Variants in SRCAP observed in about 807,000 individuals in gnomAD.
SRCAP encodes the protein chromatin remodeling protein SRCAP.
Under a neutral mutation model 263.1 loss-of-function variants are expected in SRCAP, and 46 were observed. The ratio of observed to expected loss-of-function variants is 0.17; its 90% CI spans 0.14 to 0.22. The LOEUF (loss-of-function observed/expected upper bound fraction) is 0.22. Among genes scored for constraint, SRCAP ranks in the 10% least tolerant of loss-of-function variants. SRCAP has a pLI of 1.00. For missense variants in SRCAP, 3,695 were observed against 4,181.9 expected, an observed-to-expected ratio of 0.88 and a Z score of 3.21; for synonymous variants, 1,813 against 1,662.1, an observed-to-expected ratio of 1.09 and a Z score of -2.21.
At chr16:30,726,988 C>A (rs563564751) in intron 25 of SRCAP, among the ~76,000 whole-genome samples, 1 of 152,302 alleles carries the variant, frequency 6.6e-6, no homozygotes, top group South Asian at 2.1e-4. Context: ...AGACATGAGC[C>A]ACTGCACCTG....
At chr16:30,727,918 T>G (rs2053078352) in intron 25 of SRCAP, among the ~76,000 whole-genome samples, 1 of 151,928 alleles carries the variant, frequency 6.6e-6, no homozygotes, top group African/African-American at 2.4e-5. Context: ...AATAGGAGGC[T>G]CAAACCATCC....
chr16:30,730,715 C>G (rs1390096017), intron 27 of SRCAP, among the ~76,000 whole-genome samples: 1 of 150,926 alleles, frequency 6.6e-6, no homozygotes, highest in East Asian at 1.9e-4. Context: ...CAGGTGTGAA[C>G]CACTGCGCCC....
chr16:30,737,206 A>G lies in SRCAP; in HGVS notation c.7166A>G (p.Glu2389Gly). Reference protein sequence around the residue: ...HRRSKKAKAPERPGTRVSERL... With the variant: ...HRRSKKAKAPGRPGTRVSERL... ...CGCAGTAAAAAGGCCAAAGCCCCTGAGAGGCCGGGGACTCGTGTCAGTGAG... is the reference window on the plus strand; with the variant it reads ...CGCAGTAAAAAGGCCAAAGCCCCTGGGAGGCCGGGGACTCGTGTCAGTGAG... Residue 2389 changes from glutamate to glycine, a missense_variant, in exon 34 of 34, where the codon GAG (glutamate) becomes GGG (glycine). Coordinates refer to ENST00000262518, the MANE Select transcript of SRCAP (RefSeq NM_006662.3). 6.2e-7 allele frequency: 1 copy of G among 1,614,098 alleles called. No individual in the cohort carries two copies. Among genetic ancestry groups the G allele is most frequent in the Non-Finnish European group, 8.5e-7 (1 of 1,180,012 alleles).
In SRCAP at chr16:30,723,175, A is replaced by G. The variant is rs751529827; in HGVS notation, c.4105A>G (p.Thr1369Ala). The G allele has an allele frequency of 1.0e-4, 169 of 1,613,168 alleles. 1 individual carries two copies. Among genetic ancestry groups the G allele is most frequent in the Middle Eastern group, 8.2e-4 (5 of 6,084 alleles). Residue 1369 changes from threonine (T) to alanine (A), a missense_variant, in exon 24 of 34, where the codon ACT becomes GCT. Coordinates refer to ENST00000262518, the MANE Select transcript of SRCAP (RefSeq NM_006662.3). ...TGCTCGAGCCCCCATGCCCACACCC[A>G]CTCTGGTGAGGCCTCTTCTCAAGCT... ...GTARAPMPTP[T>A]LVRPLLKLVH...
chr16:30,711,591 C>A lies in SRCAP; in HGVS notation c.1339C>A (p.Leu447Ile). 6.3e-7 allele frequency: 1 copy of A among 1,595,192 alleles called. No homozygotes were observed. The highest frequency in any genetic ancestry group is 1.9e-5 in the Admixed American group (1 of 53,744). Reference sequence around the variant, plus strand: ...TCCAGGTGAGCTTTCCATGGAGGAGCTATTGCAGCAGTATGCAGGAGCCTA... The same window carrying A: ...TCCAGGTGAGCTTTCCATGGAGGAGATATTGCAGCAGTATGCAGGAGCCTA... ...AREGELSMEE[L>I]LQQYAGAYAP... Residue 447 changes from leucine to isoleucine, a missense_variant, in exon 11 of 34, where the codon CTA (leucine) becomes ATA (isoleucine). Around this residue, in one of 12 missense-constraint regions of SRCAP, gnomAD observed 288 missense variants for 302.4 expected, o/e 0.95. Coordinates refer to ENST00000262518, the MANE Select transcript of SRCAP (RefSeq NM_006662.3).
chr16:30,725,927 A>G (rs1354445041), intron 25 of SRCAP: 3 of 152,032 alleles, frequency 2.0e-5, no homozygotes, highest in Non-Finnish European at 4.4e-5. Flanking sequence ...GCCTGGCCCT[A>G]AACTGTACAA....
chr16:30,724,174 G>A lies in SRCAP; in HGVS notation c.4750G>A (p.Ala1584Thr). ...AGCATCTTCTGCATCTCAGGCTCTA[G>A]CCACCCCTCTGGCTCCTATGGCGGC... The part of the protein sequence containing the change: ...APASSASQAL[A>T]TPLAPMAAPQ... The change falls in exon 25 of 34, where the codon GCC becomes ACC. Residue 1584 changes from alanine to threonine, a missense_variant. By Grantham distance (58) the Ala-to-Thr change is moderately conservative. Transcript: ENST00000262518. 2 of 1,614,070 alleles carry A rather than the reference G, an allele frequency of 1.2e-6. No homozygotes were observed. Among genetic ancestry groups the A allele is most frequent in the Non-Finnish European group, 1.7e-6 (2 of 1,180,014 alleles).
In SRCAP at chr16:30,723,862, T is replaced by C. The variant is rs1417781183; in HGVS notation, c.4438T>C (p.Leu1480=). 1.2e-6 allele frequency: 2 copies of C among 1,614,014 alleles called. No individual in the cohort carries two copies. Among genetic ancestry groups the C allele is most frequent in the African/African-American group, 1.3e-5 (1 of 74,888 alleles). Residue 1480 remains leucine, a synonymous_variant, in exon 25 of 34, where the codon TTG becomes CTG. Transcript: ENST00000262518. ...PALLTSVTPP[L]APVVPAAPGP... is the part of the protein sequence containing the mutation. ...TCTGTTGACCAGTGTGACTCCACCA[T>C]TGGCACCTGTTGTCCCAGCGGCTCC...
At chr16:30,701,444 G>C (rs1290458511) in intron 3 of SRCAP, 1 of 152,166 alleles carries the variant, frequency 6.6e-6, no homozygotes, top group African/African-American at 2.4e-5. Flanking sequence ...AGTACAGTAA[G>C]CTTTTCATGT....
chr16:30,736,251 A>G lies in SRCAP; in HGVS notation c.6781A>G (p.Lys2261Glu), dbSNP rs371164171. Reference sequence around the variant, plus strand: ...GGATATCCGTGCAGCCACCCAGGCCAAGGCTGAACAGGTGGCTGAGCTTGC... The same window carrying G: ...GGATATCCGTGCAGCCACCCAGGCCGAGGCTGAACAGGTGGCTGAGCTTGC... ...EEDIRAATQA[K>E]AEQVAELAEF... is the part of the protein sequence containing the mutation. Residue 2261 changes from lysine to glutamate, a missense_variant, in exon 32 of 34, where the codon AAG becomes GAG. Around this residue, in one of 12 missense-constraint regions of SRCAP, gnomAD observed 91 missense variants for 150.6 expected, o/e 0.60. Transcript: ENST00000262518. 1.6e-5 allele frequency: 26 copies of G among 1,614,056 alleles called. No individual in the cohort carries two copies. The highest frequency in any genetic ancestry group is 2.2e-5 in the Non-Finnish European group (26 of 1,180,052).
rs755309089 is a variant in SRCAP, at chr16:30,712,414, G to T, written c.1968G>T (p.Leu656=). 3 of 1,587,726 alleles carry T rather than the reference G, an allele frequency of 1.9e-6. No homozygotes were observed. In the Admixed American group the frequency reaches 5.6e-5, roughly 30 times the overall value. ...GLGKTIQTIS[L]LAHLACEKGN... is the part of the protein sequence containing the mutation. ...GGAAGACCATCCAGACCATCTCTCT[G>T]CTTGCCCACTTGGCTTGTGAGAAAG... Residue 656 remains leucine (L), a synonymous_variant, in exon 13 of 34, where the codon CTG becomes CTT. Coordinates refer to ENST00000262518, the MANE Select transcript of SRCAP (RefSeq NM_006662.3).
intron 3 of SRCAP, among the ~76,000 whole-genome samples, chr16:30,702,641 C>T (rs1271379908): frequency 7.3e-6 from 1 of 137,254 alleles, no homozygotes; most frequent in Non-Finnish European, 1.6e-5. Context: ...CCTTCCTTCT[C>T]TCCCTCCTTC....
At position 30,721,456 on chromosome 16, in the gene SRCAP, A is replaced by G. The variant is rs1246633144; in HGVS notation, c.3521A>G (p.Asp1174Gly). 6.2e-7 allele frequency: 1 copy of G among 1,611,162 alleles called. No homozygotes were observed. The highest frequency in any genetic ancestry group is 1.3e-5 in the African/African-American group (1 of 74,938). Reference protein sequence around the residue: ...PAPQRLILSPDMQARLPSGEV... With the variant: ...PAPQRLILSPGMQARLPSGEV... ...CCACAGCGCCTCATTCTATCTCCCG[A>G]TATGCAGGCTCGCCTGCCCTGTAAG... Residue 1174 changes from aspartate (D) to glycine (G), a missense_variant, in exon 21 of 34, where the codon GAT (aspartate) becomes GGT (glycine). Transcript: ENST00000262518.
chr16:30,712,966 C>A, intron 14 of SRCAP, 151 bp downstream of exon 14: 1 of 1,120,942 alleles, frequency 8.9e-7, no homozygotes. Context: ...CACTATGTTA[C>A]CCAAGCTGAC....
rs768710823 is a variant in SRCAP at position 30,729,449 on chromosome 16, C to A, written c.6004C>A (p.Arg2002Ser). Residue 2002 changes from arginine to serine, a missense_variant, in exon 27 of 34, where the codon CGT (arginine) becomes AGT (serine). Coordinates refer to ENST00000262518, the MANE Select transcript of SRCAP (RefSeq NM_006662.3). Reference sequence around the variant, plus strand: ...CCACCCACCTCCTTGGCTGGCCCCACGTCAGGCAGCCTTCCAGGAGCAATT... The same window carrying A: ...CCACCCACCTCCTTGGCTGGCCCCAAGTCAGGCAGCCTTCCAGGAGCAATT... ...ACHPPPWLAP[R>S]QAAFQEQLAS... 1.6e-5 allele frequency: 26 copies of A among 1,614,102 alleles called. No homozygotes were observed. The highest frequency in any genetic ancestry group is 1.6e-4 in the Middle Eastern group (1 of 6,084).
At position 30,700,691 on chromosome 16, in the gene SRCAP, G is replaced by A. The variant is rs569194867; in HGVS notation, c.-134G>A. 1.2e-4 allele frequency: 100 copies of A among 800,316 alleles called. No homozygotes were observed. The South Asian group carries it at 1.8e-3, about 14-fold the overall frequency. The allele number at this position is 800,316 out of a possible 1,614,324, so 49.6% of individuals were successfully genotyped here. A position where few individuals can be genotyped will look rare whatever the true frequency, so the allele number is the denominator to read the frequency against. The stretch of plus-strand genomic sequence containing the variant: ...CCCCGGGCCCTGGAAGGCGGGTCCC[G>A]GTGGCCGGTGGCCCAGAATGAGGCC... On this transcript the variant is annotated 5_prime_UTR_variant, in exon 3 of 34. Coordinates refer to ENST00000262518, the MANE Select transcript of SRCAP (RefSeq NM_006662.3).
chr16:30,729,116 G>A lies in SRCAP; in HGVS notation c.5809G>A (p.Gly1937Ser), dbSNP rs749390013. The change falls in exon 26 of 34, where the codon GGC becomes AGC. Residue 1937 changes from glycine (G) to serine (S), a missense_variant. By Grantham distance (56) the Gly-to-Ser change is moderately conservative. Coordinates refer to ENST00000262518, the MANE Select transcript of SRCAP (RefSeq NM_006662.3). ...GCCCCAACCTGTTGCCAGCCCCATC[G>A]GCCCTCGTTCTCCTGGCCCCAGCCA... ...TLPQPVASPI[G>S]PRSPGPSHPT... 35 of 1,613,990 alleles carry A rather than the reference G, an allele frequency of 2.2e-5. No individual in the cohort carries two copies. Among genetic ancestry groups the A allele is most frequent in the East Asian group, 4.5e-5 (2 of 44,882 alleles).
At chr16:30,712,872 C>T (rs1354282310) in intron 14 of SRCAP, 57 bp downstream of exon 14, 12 of 1,586,190 alleles carry the variant, frequency 7.6e-6, no homozygotes, top group Admixed American at 5.5e-5. Context: ...ATTTTTAAGC[C>T]CTTTCCTCAG....
At chr16:30,710,610 A>G in intron 8 of SRCAP, 144 bp from the exon 9 acceptor site, 1 of 904,102 alleles carries the variant, frequency 1.1e-6, no homozygotes. Context: ...AAAACCCTTG[A>G]TTGTATTCTT....
Sources: allele counts gnomAD v4.1 joint callset (sites outside exome capture counted in the v4.1 genomes callset), GRCh38; gene constraint gnomAD v4.1.1; regional missense constraint gnomAD v4.1.1; transcripts MANE v1.5; gene names NCBI Gene and HGNC (gene_info 2026-07-23, HGNC 2026-07-21).